CACHD1: variants seen among roughly 807,000 people sequenced by gnomAD.
CACHD1 encodes VWFA and cache domain-containing protein 1.
A neutral mutation model predicts 138.7 loss-of-function variants in CACHD1; 71 were observed. The ratio of observed to expected loss-of-function variants is 0.51; its 90% CI spans 0.42 to 0.62. The LOEUF is 0.62. Ranked by LOEUF, CACHD1 falls within the 20% of genes least tolerant of loss-of-function variation. CACHD1 has a pLI of 0.00. For missense variants in CACHD1, 1,389 were observed against 1,625.3 expected (o/e 0.85, Z 2.50); for synonymous variants, 578 against 591.5 (o/e 0.98, Z 0.33).
intron 1 of CACHD1, among the ~76,000 whole-genome samples, chr1:64,483,694 A>C (rs1646224563): frequency 2.0e-5 from 3 of 151,402 alleles, no homozygotes; most frequent in South Asian, 4.2e-4. Flanking sequence ...AAAAAAAAAA[A>C]AAAAAAAAAG....
intron 1 of CACHD1, among the ~76,000 whole-genome samples, chr1:64,483,869 C>G (rs936369556): frequency 1.4e-5 from 2 of 144,856 alleles, no homozygotes; most frequent in Non-Finnish European, 3.0e-5. Flanking sequence ...TACCTTCCCC[C>G]CCCCCCTTGC....
intron 1 of CACHD1, among the ~76,000 whole-genome samples, chr1:64,513,277 TTCC>T (rs1363460517): frequency 6.6e-6 from 1 of 152,162 alleles, no homozygotes; most frequent in Non-Finnish European, 1.5e-5. Context: ...CAGCAGTAAC[TTCC>T]TCCAAGCTGT....
At chr1:64,648,590 T>C (rs963361490) in intron 9 of CACHD1, among the ~76,000 whole-genome samples, 2 of 152,228 alleles carry the variant, frequency 1.3e-5, no homozygotes, top group Non-Finnish European at 2.9e-5. Flanking sequence ...AAATCTATGA[T>C]AACACATGAC....
intron 4 of CACHD1, among the ~76,000 whole-genome samples, chr1:64,620,589 A>G (rs184263179): frequency 1.3e-5 from 2 of 152,328 alleles, no homozygotes; most frequent in Admixed American, 1.3e-4. Context: ...CAAAGAAATC[A>G]TGGCCATTTT....
intron 4 of CACHD1, among the ~76,000 whole-genome samples, chr1:64,619,237 A>T (rs1459990174): frequency 6.6e-6 from 1 of 152,182 alleles, no homozygotes; most frequent in Non-Finnish European, 1.5e-5. Flanking sequence ...AGTTTAGTAT[A>T]CTATATGCTG....
chr1:64,484,318 T>TAGGG (rs1246390198), intron 1 of CACHD1, among the ~76,000 whole-genome samples: 1 of 151,678 alleles, frequency 6.6e-6, no homozygotes, highest in African/African-American at 2.4e-5. Flanking sequence ...GGGAGCGGTT[T>TAGGG]AGGGGGTCTA....
chr1:64,542,294 G>A (rs149238499), intron 1 of CACHD1, among the ~76,000 whole-genome samples: 306 of 152,256 alleles, frequency 2.0e-3, no homozygotes, highest in African/African-American at 5.6e-3. Flanking sequence ...GCACAAGGTC[G>A]TCTATTGTGT....
At chr1:64,619,026 C>T (rs1375893729) in intron 4 of CACHD1, among the ~76,000 whole-genome samples, 12 of 152,184 alleles carry the variant, frequency 7.9e-5, no homozygotes, top group African/African-American at 2.9e-4. Context: ...CGCAACCCAA[C>T]AAAAATCCAT....
intron 2 of CACHD1, among the ~76,000 whole-genome samples, chr1:64,569,345 C>T (rs1415574171): frequency 6.6e-6 from 1 of 152,216 alleles, no homozygotes; most frequent in African/African-American, 2.4e-5. Context: ...TTAAATCTCT[C>T]ACCATCACTG....
chr1:64,648,372 C>A (rs924984735), intron 9 of CACHD1, among the ~76,000 whole-genome samples: 11 of 152,316 alleles, frequency 7.2e-5, no homozygotes, highest in African/African-American at 2.6e-4. Context: ...GTGGCATCAT[C>A]GCACAAACAT....
intron 7 of CACHD1, among the ~76,000 whole-genome samples, chr1:64,637,330 A>G (rs747844582): frequency 9.9e-5 from 15 of 152,244 alleles, no homozygotes; most frequent in Non-Finnish European, 1.9e-4. Context: ...TCACATGGAC[A>G]CATGCACCAT....
At chr1:64,618,150 TA>T (rs564532577) in intron 4 of CACHD1, among the ~76,000 whole-genome samples, 3 of 151,240 alleles carry the variant, frequency 2.0e-5, no homozygotes, top group East Asian at 1.9e-4. Flanking sequence ...CCTCATAGAT[TA>T]AAAAAAATAG....
intron 4 of CACHD1, among the ~76,000 whole-genome samples, chr1:64,619,312 A>G (rs887283198): frequency 6.6e-6 from 1 of 152,186 alleles, no homozygotes; most frequent in Admixed American, 6.5e-5. Flanking sequence ...ATATTTTTTC[A>G]GCTGCGTATC....
At chr1:64,557,123 A>G (rs1469313137) in intron 2 of CACHD1, among the ~76,000 whole-genome samples, 2 of 12,918 alleles carry the variant, frequency 1.5e-4, no homozygotes, top group Admixed American at 2.8e-3. Context: ...TCCATCTCGA[A>G]AAAAAAAAAA....
chr1:64,653,801 G>A lies in CACHD1; in HGVS notation c.1584G>A (p.Leu528=), dbSNP rs371292654. 4 of 1,613,318 alleles carry A rather than the reference G, an allele frequency of 2.5e-6. No individual in the cohort carries two copies. In the South Asian group the frequency reaches 4.4e-5, roughly 18 times the overall value. The change falls in exon 11 of 27, where the codon TTG becomes TTA. Residue 528 remains leucine (L), a synonymous_variant. Coordinates refer to ENST00000651257, the MANE Select transcript of CACHD1 (RefSeq NM_020925.4). The part of the protein sequence containing the change: ...MHPSLTRPYL[L]SEPPLHTDII... Reference sequence around the variant, plus strand: ...CATCTCTTACCAGGCCATATTTATTGTCAGAGCCCCCACTTCATACTGACA... The same window carrying A: ...CATCTCTTACCAGGCCATATTTATTATCAGAGCCCCCACTTCATACTGACA...
At chr1:64,471,117 C>G (rs1646141573) in intron 1 of CACHD1, among the ~76,000 whole-genome samples, 175 bp downstream of exon 1, 1 of 152,186 alleles carries the variant, frequency 6.6e-6, no homozygotes, top group Non-Finnish European at 1.5e-5. Flanking sequence ...TACACCAACT[C>G]TTCTTCCATG....
Position 64,565,307 on chromosome 1 carries a change from G to A in CACHD1, c.261+14651G>A, listed in dbSNP as rs115567636. On this transcript the variant is annotated intron_variant, in intron 2 of 26. Coordinates refer to ENST00000651257, the MANE Select transcript of CACHD1 (RefSeq NM_020925.4). ...ACTTGGCTCTGTGTTGATTGTGCTTGCTAAATGTTCATTGAATGAATGAAT... is the reference window on the plus strand; with the variant it reads ...ACTTGGCTCTGTGTTGATTGTGCTTACTAAATGTTCATTGAATGAATGAAT... Among the ~76,000 whole-genome samples, 173 of 152,022 alleles carry A rather than the reference G, an allele frequency of 1.1e-3. 1 individual carries two copies. Among genetic ancestry groups the A allele is most frequent in the African/African-American group, 4.0e-3 (167 of 41,434 alleles).
At chr1:64,555,417 T>TTTTGTTTGTTTGTTTGTTTG (rs551770084) in intron 2 of CACHD1, among the ~76,000 whole-genome samples, 1 of 152,118 alleles carries the variant, frequency 6.6e-6, no homozygotes, top group Admixed American at 6.6e-5. Context: ...TAAGACTTCT[T>TTTTGTTTGTTTGTTTGTTTG]TTTGTTTGTT....
intron 1 of CACHD1, among the ~76,000 whole-genome samples, chr1:64,483,318 G>A (rs921238762): frequency 1.3e-5 from 2 of 152,082 alleles, no homozygotes; most frequent in Non-Finnish European, 2.9e-5. Context: ...TTATCCTAGA[G>A]GTTAGACTTC....
Sources: gnomAD v4.1 joint callset for allele counts (sites outside exome capture counted in the v4.1 genomes callset) on GRCh38, gnomAD v4.1.1 for gene constraint, MANE v1.5 for transcripts, NCBI Gene and HGNC (gene_info 2026-07-23, HGNC 2026-07-21) for gene names.